DPP6: variants seen among roughly 807,000 people sequenced by gnomAD.
DPP6 encodes dipeptidyl peptidase like 6.
A neutral mutation model predicts 122.6 loss-of-function variants in DPP6; 69 were observed. That is an observed-to-expected ratio of 0.56 (90% confidence interval 0.46 to 0.69). The LOEUF (loss-of-function observed/expected upper bound fraction) is 0.69. Ranked by LOEUF, DPP6 falls within the 30% of genes least tolerant of loss-of-function variation. The pLI, the probability that DPP6 is intolerant of heterozygous loss-of-function variation, is 0.00. For missense variants in DPP6, 928 were observed against 1,116.9 expected, an observed-to-expected ratio of 0.83 and a Z score of 2.41; for synonymous variants, 418 against 433.1, an observed-to-expected ratio of 0.97 and a Z score of 0.43.
At chr7:154,227,117 T>C (rs886150448) in intron 1 of DPP6, among the ~76,000 whole-genome samples, 12 of 151,992 alleles carry the variant, frequency 7.9e-5, no homozygotes, top group African/African-American at 1.5e-4. Flanking sequence ...CAAAGAGATA[T>C]CTGTACTCCT....
At chr7:154,098,661 T>C (rs1046091758) in intron 1 of DPP6, among the ~76,000 whole-genome samples, 1 of 151,602 alleles carries the variant, frequency 6.6e-6, no homozygotes, top group South Asian at 2.1e-4. Context: ...CCCATCTCTT[T>C]ATGTTACTGA....
chr7:153,889,927 A>G (rs1799113980), intron 1 of DPP6, among the ~76,000 whole-genome samples: 1 of 152,224 alleles, frequency 6.6e-6, no homozygotes, highest in Non-Finnish European at 1.5e-5. Context: ...TTCATGTTCC[A>G]AGGAAATCCA....
intron 16 of DPP6, among the ~76,000 whole-genome samples, chr7:154,843,007 T>C (rs1403166738): frequency 3.3e-5 from 5 of 152,244 alleles, no homozygotes; most frequent in Non-Finnish European, 7.3e-5. Flanking sequence ...TATGTTCACG[T>C]GAATTTGGGA....
chr7:154,102,252 C>T (rs1563201261), intron 1 of DPP6, among the ~76,000 whole-genome samples: 1 of 152,106 alleles, frequency 6.6e-6, no homozygotes, highest in Non-Finnish European at 1.5e-5. Flanking sequence ...ATGAATGGCA[C>T]AGTCTCGGCT....
Position 154,058,907 on chromosome 7 carries a change from C to T in DPP6, c.243+5844C>T, listed in dbSNP as rs372275705. 8.7e-5 allele frequency: 13 copies of T among 149,118 alleles called. No homozygotes were observed. In the East Asian group the frequency reaches 1.7e-3, roughly 19 times the overall value. 9.2% of individuals were successfully genotyped at this position (149,118 alleles called of 1,614,324 possible). On this transcript the variant is annotated intron_variant, in intron 1 of 25. Coordinates refer to ENST00000377770, the MANE Select transcript of DPP6 (RefSeq NM_130797.4). ...TACGAGAGTGGGGACTGAGAGCTAT[C>T]CCCTCTTCCGCCCCTGGCTGTTAGT...
chr7:154,003,357 A>G (rs1797770352), intron 1 of DPP6, among the ~76,000 whole-genome samples: 1 of 152,208 alleles, frequency 6.6e-6, no homozygotes. Context: ...GACACTGAGT[A>G]TGTTAGTTTG....
chr7:154,257,374 C>T (rs889524321), intron 1 of DPP6, among the ~76,000 whole-genome samples: 4 of 152,046 alleles, frequency 2.6e-5, no homozygotes, highest in Non-Finnish European at 5.9e-5. Context: ...TCCCTTCGGC[C>T]TATGAAGGCA....
chr7:153,966,511 T>C lies in DPP6; in HGVS notation c.51+78777T>C, dbSNP rs1290578607. ...TCTCCCGTTCATCTTCCTCTCCTCC[T>C]GCTCCAGAGAAGGAAGTAATTAAAC... On this transcript the variant is annotated intron_variant, in intron 1 of 25. Coordinates refer to the DPP6 transcript ENST00000404039. Among the ~76,000 whole-genome samples the C allele has an allele frequency of 2.2e-5, 3 of 139,196 alleles. No individual in the cohort carries two copies. The East Asian group carries it at 7.1e-4, about 33-fold the overall frequency. The allele number at this position is 139,196 out of a possible 152,430, so 91.3% of individuals were successfully genotyped here.
intron 1 of DPP6, among the ~76,000 whole-genome samples, chr7:154,170,840 C>A (rs551421487): frequency 1.3e-5 from 2 of 152,216 alleles, no homozygotes; most frequent in African/African-American, 4.8e-5. Flanking sequence ...TTTCCCAAAG[C>A]CTGGATTTGC....
At chr7:153,888,630 G>A (rs888481229) in intron 1 of DPP6, among the ~76,000 whole-genome samples, 2 of 149,676 alleles carry the variant, frequency 1.3e-5, no homozygotes, top group South Asian at 2.1e-4. Flanking sequence ...GCCTTCGTGT[G>A]TTTATTTTAA....
At chr7:154,208,422 G>A (rs1799567932) in intron 1 of DPP6, among the ~76,000 whole-genome samples, 1 of 152,244 alleles carries the variant, frequency 6.6e-6, no homozygotes, top group Non-Finnish European at 1.5e-5. Flanking sequence ...AAGACAGCCA[G>A]GGCTTCGCAA....
At chr7:154,001,639 G>A (rs1191560278) in intron 1 of DPP6, among the ~76,000 whole-genome samples, 1 of 152,082 alleles carries the variant, frequency 6.6e-6, no homozygotes, top group Non-Finnish European at 1.5e-5. Context: ...CCATCATGGA[G>A]CAAGGTAACC....
chr7:154,222,423 A>G (rs1187104654), intron 1 of DPP6, among the ~76,000 whole-genome samples: 2 of 151,532 alleles, frequency 1.3e-5, no homozygotes, highest in East Asian at 3.9e-4. Context: ...TGGGAGGCCG[A>G]GGTGGGCGGA....
At chr7:154,085,007 A>AC (rs1554457758) in intron 1 of DPP6, among the ~76,000 whole-genome samples, 1 of 149,026 alleles carries the variant, frequency 6.7e-6, no homozygotes. Context: ...AAAAAAAAAA[A>AC]AAAACAGGTG....
intron 1 of DPP6, among the ~76,000 whole-genome samples, chr7:154,089,922 G>C (rs1804685615): frequency 6.6e-6 from 1 of 152,230 alleles, no homozygotes; most frequent in Admixed American, 6.5e-5. Flanking sequence ...TCTACCTTTA[G>C]AGGTTCCAAT....
chr7:154,195,634 C>T (rs954917705), intron 1 of DPP6, among the ~76,000 whole-genome samples: 4 of 152,212 alleles, frequency 2.6e-5, no homozygotes, highest in Admixed American at 6.5e-5. Flanking sequence ...GAGGAGGGAC[C>T]ACATGACCTC....
Position 154,607,005 on chromosome 7 carries a change from C to T in DPP6, c.628-30816C>T, listed in dbSNP as rs1563920607. 5.0e-5 allele frequency among the ~76,000 whole-genome samples: 6 copies of T among 120,844 alleles called. 2 individuals are homozygous for T. The Admixed American group carries it at 5.6e-4, about 11-fold the overall frequency. 79.3% of individuals were successfully genotyped at this position (120,844 alleles called of 152,430 possible). ...TGTACTGTTGTAATAATTTTGTAGCCACCTGCTGCTGCTATTATGGTGAGC... is the reference window on the plus strand; with the variant it reads ...TGTACTGTTGTAATAATTTTGTAGCTACCTGCTGCTGCTATTATGGTGAGC... On this transcript the variant is annotated intron_variant, in intron 5 of 25. Transcript: ENST00000377770.
the DPP6 span, among the ~76,000 whole-genome samples, chr7:153,861,854 G>A: frequency 6.6e-6 from 1 of 152,212 alleles, no homozygotes; most frequent in Non-Finnish European, 1.5e-5. Context: ...GACAGATGGA[G>A]TAACCCAAAC....
chr7:154,303,243 G>A (rs1286663363), intron 1 of DPP6, among the ~76,000 whole-genome samples: 1 of 152,208 alleles, frequency 6.6e-6, no homozygotes, highest in African/African-American at 2.4e-5. Context: ...CTACTTTAAG[G>A]CAGGGGCTGT....
Sources: gnomAD v4.1 joint callset for allele counts (sites outside exome capture counted in the v4.1 genomes callset) on GRCh38, gnomAD v4.1.1 for gene constraint, MANE v1.5 for transcripts, NCBI Gene and HGNC (gene_info 2026-07-23, HGNC 2026-07-21) for gene names.